FGFR1OP2: variants seen among roughly 807,000 people sequenced by gnomAD.
FGFR1OP2 encodes the protein fibroblast growth factor receptor 1 oncogene partner 2.
A neutral mutation model predicts 35.2 loss-of-function variants in FGFR1OP2; 17 were observed. That is an observed-to-expected ratio of 0.48 (90% confidence interval 0.33 to 0.73). FGFR1OP2 has a LOEUF of 0.73. Ranked by LOEUF, FGFR1OP2 falls within the 30% of genes least tolerant of loss-of-function variation. The probability of loss-of-function intolerance (pLI) is 0.02; values close to 1 mark genes in which losing one functional copy is unlikely to be tolerated. For synonymous variants in FGFR1OP2, 105 were observed against 104.6 expected (o/e 1.00, Z -0.03); for missense variants, 251 against 307.3 (o/e 0.82, Z 1.37).
At chr12:26,942,859 G>A (rs553143623) in intron 1 of FGFR1OP2, among the ~76,000 whole-genome samples, 8 of 152,246 alleles carry the variant, frequency 5.3e-5, no homozygotes, top group Admixed American at 5.2e-4. Flanking sequence ...AGTTGGATAA[G>A]TGATTTGAAA....
chr12:26,938,665 G>C lies in FGFR1OP2; in HGVS notation c.-60G>C, dbSNP rs1938624844. On this transcript the variant is annotated 5_prime_UTR_variant, in exon 1 of 7. Transcript: ENST00000229395. Reference sequence around the variant, plus strand: ...ATAGGTCCCGGTTGGTAGAGGGTTTGAGTCCGCATCGCCACAGCTGAAGGC... The same window carrying C: ...ATAGGTCCCGGTTGGTAGAGGGTTTCAGTCCGCATCGCCACAGCTGAAGGC... The C allele has an allele frequency of 6.6e-6, 1 of 152,536 alleles. No individual in the cohort carries two copies. The highest frequency in any genetic ancestry group is 2.1e-4 in the South Asian group (1 of 4,838). 9.4% of individuals were successfully genotyped at this position (152,536 alleles called of 1,614,324 possible).
intron 5 of FGFR1OP2, chr12:26,963,126 T>C (rs961053498): frequency 1.3e-5 from 5 of 382,920 alleles, no homozygotes; most frequent in South Asian, 1.3e-4. Flanking sequence ...GGTTTAGTTA[T>C]ATTGTGCTGC....
chr12:26,954,783 A>C (rs117398317), intron 2 of FGFR1OP2, among the ~76,000 whole-genome samples: 1 of 152,198 alleles, frequency 6.6e-6, no homozygotes, highest in African/African-American at 2.4e-5. Flanking sequence ...AGTGCTACCA[A>C]TTAAAGAATA....
chr12:26,954,065 G>T (rs1286738647), intron 1 of FGFR1OP2, 80 bp from the exon 2 acceptor site: 2 of 1,044,736 alleles, frequency 1.9e-6, no homozygotes, highest in Non-Finnish European at 2.7e-6. Context: ...GGCTTAAGAA[G>T]CATATCTGTG....
chr12:26,943,193 G>C (rs931515461), intron 1 of FGFR1OP2, among the ~76,000 whole-genome samples: 12 of 152,092 alleles, frequency 7.9e-5, no homozygotes, highest in Admixed American at 2.0e-4. Context: ...ACCATTTGTT[G>C]AAAAAAGCCA....
chr12:26,943,852 C>T (rs1938777897), intron 1 of FGFR1OP2, among the ~76,000 whole-genome samples: 1 of 152,026 alleles, frequency 6.6e-6, no homozygotes, highest in Admixed American at 6.6e-5. Context: ...GAAAACTTCC[C>T]TACTATGTTG....
At chr12:26,940,021 A>G (rs1938704656) in intron 1 of FGFR1OP2, among the ~76,000 whole-genome samples, 1 of 152,218 alleles carries the variant, frequency 6.6e-6, no homozygotes. Context: ...AATTATGTAT[A>G]ATGACAGAAA....
At chr12:26,948,777 C>T (rs1055783418) in intron 1 of FGFR1OP2, among the ~76,000 whole-genome samples, 8 of 152,100 alleles carry the variant, frequency 5.3e-5, no homozygotes, top group Non-Finnish European at 7.3e-5. Context: ...AGTTAGAATG[C>T]GCTTGGGAGA....
intron 1 of FGFR1OP2, among the ~76,000 whole-genome samples, chr12:26,943,793 C>A (rs1938776261): frequency 6.6e-6 from 1 of 152,144 alleles, no homozygotes; most frequent in Non-Finnish European, 1.5e-5. Flanking sequence ...CCGCTGCACT[C>A]CAGCAGCCTG....
intron 2 of FGFR1OP2, among the ~76,000 whole-genome samples, chr12:26,954,853 C>T (rs1489533071): frequency 5.9e-5 from 9 of 152,044 alleles, no homozygotes; most frequent in African/African-American, 1.9e-4. Flanking sequence ...CCATGGGCCA[C>T]GGAGTTTAGA....
At chr12:26,959,507 A>G (rs560820493) in intron 4 of FGFR1OP2, among the ~76,000 whole-genome samples, 2 of 152,310 alleles carry the variant, frequency 1.3e-5, no homozygotes, top group East Asian at 3.9e-4. Flanking sequence ...AGTGCTTAGA[A>G]TAGGATAACT....
At position 26,962,270 on chromosome 12, in the gene FGFR1OP2, T is replaced by G. The variant is rs111552868; in HGVS notation, c.511-1072T>G. 3.9e-5 allele frequency: 6 copies of G among 152,360 alleles called. 1 individual carries two copies. The highest frequency in any genetic ancestry group is 1.4e-4 in the African/African-American group (6 of 41,592). The allele number at this position is 152,360 out of a possible 1,614,324, so 9.4% of individuals were successfully genotyped here. ...GAAAAGGACCTACATTTTTGTTGGT[T>G]AAGAGGTTATTAAATGTGCTTTGCC... On this transcript the variant is annotated intron_variant, in intron 5 of 6. Transcript: ENST00000229395.
intron 1 of FGFR1OP2, among the ~76,000 whole-genome samples, chr12:26,951,238 A>G (rs944505574): frequency 4.0e-5 from 6 of 149,910 alleles, no homozygotes; most frequent in African/African-American, 1.5e-4. Context: ...ACCTCTGCCT[A>G]CTGGGTTTAA....
chr12:26,958,858 A>G (rs766079754), intron 4 of FGFR1OP2, among the ~76,000 whole-genome samples: 8 of 152,222 alleles, frequency 5.3e-5, no homozygotes, highest in Non-Finnish European at 1.0e-4. Context: ...TGTGGAAACT[A>G]GACTGTTACC....
intron 5 of FGFR1OP2, 172 bp downstream of exon 5, chr12:26,960,800 C>G (rs1939094486): frequency 9.2e-6 from 10 of 1,082,176 alleles, no homozygotes; most frequent in Non-Finnish European, 1.1e-5. Context: ...CTTTAAATCT[C>G]TCATTAATTT....
At chr12:26,949,239 G>A (rs12422617) in intron 1 of FGFR1OP2, among the ~76,000 whole-genome samples, 53,172 of 151,826 alleles carry the variant, frequency 0.35, 9,546 homozygotes, top group East Asian at 0.59. Context: ...AGGTACAAGC[G>A]ATTCTCCTGT....
rs143062137 is a variant in FGFR1OP2, at chr12:26,958,401, A to G, written c.396+658A>G. ...TTTTTTAAGAAACATTTTTTCTAAT[A>G]AATTTGTGTATTGACTTCTCTTGCA... On this transcript the variant is annotated intron_variant, in intron 4 of 6. Transcript: ENST00000229395. 9.8e-5 allele frequency among the ~76,000 whole-genome samples: 15 copies of G among 152,334 alleles called. No individual in the cohort carries two copies. The East Asian group carries it at 2.9e-3, about 29-fold the overall frequency.
At chr12:26,953,516 G>C (rs553800706) in intron 1 of FGFR1OP2, 1 of 152,154 alleles carries the variant, frequency 6.6e-6, no homozygotes, top group South Asian at 2.1e-4. Flanking sequence ...TACCAGTTTT[G>C]TCCTAAGTCA....
At chr12:26,943,574 C>A (rs708162) in intron 1 of FGFR1OP2, among the ~76,000 whole-genome samples, 13,390 of 152,208 alleles carry the variant, frequency 0.088, 928 homozygotes, top group Middle Eastern at 0.2. Context: ...CCTGTAATCC[C>A]AGCACTTTGG....
Sources: gnomAD v4.1 joint callset for allele counts (sites outside exome capture counted in the v4.1 genomes callset) on GRCh38, gnomAD v4.1.1 for gene constraint, MANE v1.5 for transcripts, NCBI Gene and HGNC (gene_info 2026-07-23, HGNC 2026-07-21) for gene names.